ATP11C: variants seen among roughly 807,000 people sequenced by gnomAD.
ATP11C encodes ATPase phospholipid transporting 11C (ATP11C blood group).
In ATP11C, 36 loss-of-function variants were observed where a neutral mutation model predicts 97.4. The ratio of observed to expected loss-of-function variants is 0.37; its 90% CI spans 0.28 to 0.49. The LOEUF (loss-of-function observed/expected upper bound fraction) is 0.49. Ranked by LOEUF, ATP11C falls within the 20% of genes least tolerant of loss-of-function variation. ATP11C has a pLI of 0.98. For missense variants in ATP11C, 730 were observed against 824.6 expected (o/e 0.89, Z 1.40); for synonymous variants, 275 against 290.9 (o/e 0.95, Z 0.56).
chrX:139,780,341 G>A (rs1323707880), intron 18 of ATP11C, among the ~76,000 whole-genome samples: 2 of 111,522 alleles, frequency 1.8e-5, no homozygotes, highest in African/African-American at 3.3e-5. Context: ...ACATCAGAAA[G>A]ATAACTCATC....
At chrX:139,936,551 A>G (rs1039946189), upstream of ATP11C, among the ~76,000 whole-genome samples, 7 of 112,026 alleles carry the variant, frequency 6.2e-5, no homozygotes, top group Non-Finnish European at 1.3e-4. Context: ...CAGAGGAAAC[A>G]GTCTTGTTTC....
intron 20 of ATP11C, among the ~76,000 whole-genome samples, chrX:139,764,552 C>T (rs2082098505): frequency 8.9e-6 from 1 of 111,960 alleles, no homozygotes; most frequent in African/African-American, 3.2e-5. Context: ...AATCTAGCGG[C>T]TTAAAAAAAA....
chrX:139,933,056 T>C (rs903582302), upstream of ATP11C: 1 of 111,902 alleles, frequency 8.9e-6, no homozygotes, highest in Non-Finnish European at 1.9e-5. Flanking sequence ...TTTGTGTCGT[T>C]GCTGCTGCGC....
chrX:139,867,852 C>A (rs1469165995), intron 1 of ATP11C, among the ~76,000 whole-genome samples: 1 of 111,816 alleles, frequency 8.9e-6, no homozygotes, highest in Non-Finnish European at 1.9e-5. Context: ...ACAAGCTACA[C>A]TGGGGCACAT....
rs1217905034 is a variant in ATP11C, at chrX:139,917,571, G to T, written c.27+14445C>A. On this transcript the variant is annotated intron_variant, in intron 1 of 29. Coordinates refer to ENST00000682941, the MANE Select transcript of ATP11C (RefSeq NM_001353812.2). ...TTTCTCAAAAGATGACATACAAATG[G>T]CCAAAAAACATAGGAAATGATGCTC... Among the ~76,000 whole-genome samples the T allele has an allele frequency of 2.7e-5, 3 of 111,583 alleles. No homozygotes were observed. In the Admixed American group the frequency reaches 2.9e-4, roughly 11 times the overall value.
intron 1 of ATP11C, among the ~76,000 whole-genome samples, chrX:139,839,928 G>A (rs895576743): frequency 1.0e-4 from 11 of 110,122 alleles, no homozygotes; most frequent in African/African-American, 1.7e-4. Flanking sequence ...TGTTTCCCTC[G>A]GCATAGAATA....
At chrX:139,782,462 A>G in intron 18 of ATP11C, 85 bp downstream of exon 18, 1 of 630,791 alleles carries the variant, frequency 1.6e-6, no homozygotes, top group Non-Finnish European at 2.3e-6. Context: ...AAGATTTCAA[A>G]CTTCGAGATT....
intron 18 of ATP11C, among the ~76,000 whole-genome samples, chrX:139,781,457 T>A (rs1445633876): frequency 8.9e-6 from 1 of 112,678 alleles, no homozygotes; most frequent in Non-Finnish European, 1.9e-5. Context: ...CTCATGCCTG[T>A]AATCCCAACA....
At chrX:139,776,754 T>A (rs1037048614) in intron 18 of ATP11C, among the ~76,000 whole-genome samples, 1 of 111,748 alleles carries the variant, frequency 8.9e-6, no homozygotes, top group East Asian at 2.8e-4. Flanking sequence ...ATAAATAACT[T>A]GCTGCCAGAA....
At chrX:139,793,597 C>G (rs2082736500) in intron 12 of ATP11C, among the ~76,000 whole-genome samples, 1 of 111,448 alleles carries the variant, frequency 9.0e-6, no homozygotes, top group Non-Finnish European at 1.9e-5. Flanking sequence ...GCTCCACCAC[C>G]TACTAACTTT....
At chrX:139,922,575 A>G (rs936923553) in intron 1 of ATP11C, among the ~76,000 whole-genome samples, 1 of 107,990 alleles carries the variant, frequency 9.3e-6, no homozygotes, top group Non-Finnish European at 1.9e-5. Context: ...ATGAAGGTGG[A>G]GCCCTCATAA....
intron 26 of ATP11C, among the ~76,000 whole-genome samples, chrX:139,742,065 G>C (rs1395660557): frequency 8.9e-6 from 1 of 111,748 alleles, no homozygotes; most frequent in Admixed American, 9.5e-5. Context: ...AATCCAAAGA[G>C]GAGGGAGTGG....
At chrX:139,814,780 G>A (rs1353094459) in intron 5 of ATP11C, 98 bp downstream of exon 5, 3 of 464,746 alleles carry the variant, frequency 6.5e-6, no homozygotes, top group Non-Finnish European at 1.0e-5. Flanking sequence ...TAGAGTTAAC[G>A]GTTGCACAAC....
At chrX:139,905,832 A>G (rs1260296801) in intron 1 of ATP11C, among the ~76,000 whole-genome samples, 1 of 112,032 alleles carries the variant, frequency 8.9e-6, no homozygotes, top group Non-Finnish European at 1.9e-5. Context: ...ATCAAGGGCA[A>G]AAATGAATGG....
intron 12 of ATP11C, among the ~76,000 whole-genome samples, chrX:139,791,879 G>T (rs969245928): frequency 1.8e-5 from 2 of 111,388 alleles, no homozygotes; most frequent in Non-Finnish European, 3.8e-5. Context: ...CATCATTTGC[G>T]TGATATTGTA....
intron 1 of ATP11C, among the ~76,000 whole-genome samples, chrX:139,843,504 T>A (rs1339372697): frequency 8.9e-6 from 1 of 112,039 alleles, no homozygotes; most frequent in Non-Finnish European, 1.9e-5. Context: ...TTCTGATGGG[T>A]ATATTTTTGA....
chrX:139,826,470 G>C (rs2083531910), intron 2 of ATP11C, among the ~76,000 whole-genome samples: 1 of 111,166 alleles, frequency 9.0e-6, no homozygotes. Flanking sequence ...TAATCAACAA[G>C]CACTGTGAAT....
intron 6 of ATP11C, among the ~76,000 whole-genome samples, chrX:139,803,764 TC>T (rs1362044799): frequency 1.1e-5 from 1 of 92,346 alleles, no homozygotes; most frequent in Non-Finnish European, 2.1e-5. Flanking sequence ...AGTGGCGTGA[TC>T]TTGGCTCACT....
chrX:139,909,545 A>ACACACACACACCCCATG (rs1466933895), intron 1 of ATP11C, among the ~76,000 whole-genome samples: 9 of 111,571 alleles, frequency 8.1e-5, no homozygotes, highest in Non-Finnish European at 1.7e-4. Flanking sequence ...ACATACACAC[A>ACACACACACACCCCATG]CACACACACA....
Sources: allele counts gnomAD v4.1 joint callset (sites outside exome capture counted in the v4.1 genomes callset), GRCh38; gene constraint gnomAD v4.1.1; transcripts MANE v1.5; gene names NCBI Gene and HGNC (gene_info 2026-07-23, HGNC 2026-07-21).